BCAS3: variants seen among roughly 807,000 people sequenced by gnomAD.
The protein encoded by BCAS3 is BCAS4/BCAS3 fusion.
BCAS3 carries 53 observed loss-of-function variants against 116.1 expected under a neutral mutation model. The observed-to-expected ratio is 0.46, with a 90% CI of 0.37 to 0.57. BCAS3 has a LOEUF of 0.57. Among genes scored for constraint, BCAS3 ranks in the 20% least tolerant of loss-of-function variants. The pLI, the probability that BCAS3 is intolerant of heterozygous loss-of-function variation, is 0.00. For missense variants in BCAS3, 917 were observed against 1,165.4 expected (o/e 0.79, Z 3.10); for synonymous variants, 391 against 408.2 (o/e 0.96, Z 0.51).
At chr17:60,704,639 G>A (rs1320319239) in intron 4 of BCAS3, among the ~76,000 whole-genome samples, 3 of 151,870 alleles carry the variant, frequency 2.0e-5, no homozygotes, top group Admixed American at 6.6e-5. Flanking sequence ...TCAGGAGTTC[G>A]AGACCAGCCT....
chr17:61,375,975 T>C (rs1432360463), intron 23 of BCAS3, among the ~76,000 whole-genome samples: 1 of 152,214 alleles, frequency 6.6e-6, no homozygotes. Context: ...ACATTTGACT[T>C]TGCAGACATT....
At chr17:60,872,435 G>T (rs1028345919) in intron 8 of BCAS3, among the ~76,000 whole-genome samples, 1 of 146,150 alleles carries the variant, frequency 6.8e-6, no homozygotes, top group African/African-American at 2.6e-5. Context: ...GTATATATCT[G>T]TATGTATATA....
chr17:60,833,684 A>G (rs1294018624), intron 7 of BCAS3, among the ~76,000 whole-genome samples: 2 of 152,212 alleles, frequency 1.3e-5, no homozygotes, highest in Non-Finnish European at 2.9e-5. Flanking sequence ...TTCGTTCGGT[A>G]CATATGTTTA....
intron 22 of BCAS3, among the ~76,000 whole-genome samples, chr17:61,252,595 C>G (rs1332524501): frequency 1.4e-5 from 2 of 142,958 alleles, no homozygotes; most frequent in East Asian, 2.1e-4. Flanking sequence ...AAAAAAAAAG[C>G]CTGGGAATTA....
At chr17:61,207,408 A>T (rs993671874) in intron 22 of BCAS3, among the ~76,000 whole-genome samples, 1 of 152,158 alleles carries the variant, frequency 6.6e-6, no homozygotes, top group Non-Finnish European at 1.5e-5. Context: ...TCTTTGATAG[A>T]TGAGGAAACT....
chr17:61,284,140 A>G (rs183131453), intron 22 of BCAS3, among the ~76,000 whole-genome samples: 19 of 152,298 alleles, frequency 1.2e-4, no homozygotes, highest in Admixed American at 1.1e-3. Context: ...GCACTCTGTA[A>G]AAATGGACCA....
At position 61,040,807 on chromosome 17, in the gene BCAS3, T is replaced by G. The variant is rs1322746197; in HGVS notation, c.1944T>G (p.Asn648Lys). ...GTTTCCTTAGAACCCCTCAATGGAA[T>G]GAATTGCAGCCACCGTTTAATGCAA... ...SWTLVRTPQWNELQPPFNANH... is the reference protein window; with the variant it reads ...SWTLVRTPQWKELQPPFNANH... Residue 648 changes from asparagine to lysine, a missense_variant, in exon 19 of 24, where the codon AAT becomes AAG. Around this residue, in one of 3 missense-constraint regions of BCAS3, gnomAD observed 807 missense variants for 1,026.0 expected, o/e 0.79. Transcript: ENST00000407086. 1 of 1,613,984 alleles carries G rather than the reference T, an allele frequency of 6.2e-7. No individual in the cohort carries two copies. Among genetic ancestry groups the G allele is most frequent in the South Asian group, 1.1e-5 (1 of 91,076 alleles).
intron 7 of BCAS3, among the ~76,000 whole-genome samples, chr17:60,865,132 T>C (rs1371634478): frequency 6.6e-6 from 1 of 152,080 alleles, no homozygotes; most frequent in Non-Finnish European, 1.5e-5. Context: ...GTTGAGCACG[T>C]AGTGTTGTAA....
chr17:60,809,496 G>A (rs1042705549), intron 7 of BCAS3, among the ~76,000 whole-genome samples: 3 of 152,104 alleles, frequency 2.0e-5, no homozygotes, highest in Non-Finnish European at 2.9e-5. Flanking sequence ...CTCTTCCAGG[G>A]TTGGTTGGTT....
At chr17:60,867,970 T>C (rs540417901) in intron 7 of BCAS3, among the ~76,000 whole-genome samples, 1 of 152,192 alleles carries the variant, frequency 6.6e-6, no homozygotes, top group South Asian at 2.1e-4. Flanking sequence ...CTTTGAAGTT[T>C]ATTAGATTCT....
chr17:60,812,168 A>T lies in BCAS3; in HGVS notation c.476+4092A>T, dbSNP rs147099562. Among the ~76,000 whole-genome samples, 549 of 152,224 alleles carry T rather than the reference A, an allele frequency of 3.6e-3. 14 individuals are homozygous for T. The highest frequency in any genetic ancestry group is 0.032 in the Admixed American group (497 of 15,300). ...GTTTGTAGTAGGTGAGCATATGGTG[A>T]TGTTGAATAGAGTAGACTCTTTAGT... On this transcript the variant is annotated intron_variant, in intron 7 of 23. Transcript: ENST00000407086.
intron 9 of BCAS3, chr17:60,887,137 T>G (rs1482258383): frequency 6.6e-6 from 1 of 152,596 alleles, no homozygotes; most frequent in East Asian, 1.9e-4. Flanking sequence ...GTGTGGGATA[T>G]AGTCTCGTGG....
At chr17:60,773,563 G>T (rs1223219984) in intron 6 of BCAS3, among the ~76,000 whole-genome samples, 3 of 152,008 alleles carry the variant, frequency 2.0e-5, no homozygotes, top group Admixed American at 6.6e-5. Context: ...AAAGTACTGG[G>T]ATTATAGGCA....
intron 12 of BCAS3, among the ~76,000 whole-genome samples, chr17:60,923,141 T>G (rs1382200765): frequency 6.6e-6 from 1 of 152,184 alleles, no homozygotes; most frequent in Non-Finnish European, 1.5e-5. Context: ...AGTCTAAAAT[T>G]GGTTATTTGA....
intron 4 of BCAS3, among the ~76,000 whole-genome samples, chr17:60,704,290 C>T (rs796445900): frequency 2.0e-5 from 3 of 152,142 alleles, no homozygotes; most frequent in African/African-American, 7.2e-5. Context: ...GAAGTGCACA[C>T]CCGGAATTAA....
At position 61,326,377 on chromosome 17, in the gene BCAS3, G is replaced by A. The variant is rs951509228; in HGVS notation, c.2426-41950G>A. On this transcript the variant is annotated intron_variant, in intron 22 of 23. Coordinates refer to ENST00000407086, the MANE Select transcript of BCAS3 (RefSeq NM_017679.5). The surrounding 1 kb of genome is among the most constrained non-coding windows in gnomAD (Gnocchi z 5.3). ...CCTAAGCGGGACAATAGCCTGGGGTGACTGTGGGGTCTTGCTGCTCATGTG... is the reference window on the plus strand; with the variant it reads ...CCTAAGCGGGACAATAGCCTGGGGTAACTGTGGGGTCTTGCTGCTCATGTG... 8.5e-5 allele frequency among the ~76,000 whole-genome samples: 13 copies of A among 152,222 alleles called. No homozygotes were observed. The highest frequency in any genetic ancestry group is 1.8e-4 in the Non-Finnish European group (12 of 68,042).
At chr17:60,755,034 A>G (rs1046431109) in intron 6 of BCAS3, among the ~76,000 whole-genome samples, 21 of 152,154 alleles carry the variant, frequency 1.4e-4, no homozygotes, top group African/African-American at 5.1e-4. Context: ...GGTAAATTGT[A>G]ACTTGAGAAC....
intron 22 of BCAS3, among the ~76,000 whole-genome samples, chr17:61,293,600 C>T (rs545962697): frequency 6.6e-6 from 1 of 152,158 alleles, no homozygotes; most frequent in Non-Finnish European, 1.5e-5. Flanking sequence ...TGGACCCAGC[C>T]ATTTCTAAGA....
chr17:60,974,360 ATTT>A (rs921574939), intron 14 of BCAS3, among the ~76,000 whole-genome samples: 3 of 152,136 alleles, frequency 2.0e-5, no homozygotes, highest in African/African-American at 4.8e-5. Context: ...TTGTGAATTA[ATTT>A]TTTTAAGTTT....
Sources: gnomAD v4.1 joint callset for allele counts (sites outside exome capture counted in the v4.1 genomes callset) on GRCh38, gnomAD v4.1.1 for gene constraint, gnomAD v4.1.1 regional missense constraint, Gnocchi (gnomAD v3.1) non-coding constraint, MANE v1.5 for transcripts, NCBI Gene and HGNC (gene_info 2026-07-23, HGNC 2026-07-21) for gene names.